ASAH1: variants seen among roughly 807,000 people sequenced by gnomAD.
ASAH1 encodes the protein N-acylsphingosine amidohydrolase 1.
ASAH1 carries 70 observed loss-of-function variants against 59.5 expected under a neutral mutation model. The observed-to-expected ratio is 1.18, with a 90% CI of 0.97 to 1.43. The LOEUF (loss-of-function observed/expected upper bound fraction) is 1.43, where lower values mean the gene tolerates loss of function less well. Ranked by LOEUF, ASAH1 falls within the 40% of genes most tolerant of loss-of-function variation. ASAH1 has a pLI of 0.00. For missense variants in ASAH1, 660 were observed against 482.5 expected (o/e 1.37, Z -3.45); for synonymous variants, 213 against 166.5 (o/e 1.28, Z -2.15).
intron 12 of ASAH1, 143 bp downstream of exon 12, chr8:18,059,198 A>G (rs766167996): frequency 2.9e-6 from 4 of 1,372,782 alleles, no homozygotes; most frequent in Non-Finnish European, 4.0e-6. Context: ...AGAAAACGAA[A>G]CAAAAAAATC....
intron 9 of ASAH1, 69 bp from the exon 10 acceptor site, chr8:18,061,527 G>A (rs1799699543): frequency 1.4e-6 from 2 of 1,459,430 alleles, no homozygotes; most frequent in Middle Eastern, 1.7e-4. Flanking sequence ...GGACCCGGAA[G>A]AGGCTGGACT....
chr8:18,079,548 G>C (rs777768931), intron 1 of ASAH1, among the ~76,000 whole-genome samples: 24 of 152,208 alleles, frequency 1.6e-4, no homozygotes, highest in South Asian at 2.1e-4. Flanking sequence ...GAGCCCGAAA[G>C]AATTAGGAGA....
chr8:18,062,244 C>T, intron 8 of ASAH1, 35 bp downstream of exon 8: 1 of 1,613,702 alleles, frequency 6.2e-7, no homozygotes, highest in Non-Finnish European at 8.5e-7. Flanking sequence ...GGACAGAAGG[C>T]TACCTGTATA....
intron 8 of ASAH1, chr8:18,061,996 G>T: frequency 1.6e-6 from 1 of 619,104 alleles, no homozygotes; most frequent in Non-Finnish European, 2.8e-6. Context: ...CGCCTGACTT[G>T]CCTAAGTGAG....
At chr8:18,067,138 G>GCTGTATATCTAAGACATAAAGCACCTGTT in intron 5 of ASAH1, 82 bp downstream of exon 5, 1 of 1,112,914 alleles carries the variant, frequency 9.0e-7, no homozygotes, top group Non-Finnish European at 1.3e-6. Context: ...CAGCACCTGT[G>GCTGTATATCTAAGACATAAAGCACCTGTT]CTGTATGTAT....
At chr8:18,079,907 G>A (rs1193382013) in intron 1 of ASAH1, among the ~76,000 whole-genome samples, 1 of 152,162 alleles carries the variant, frequency 6.6e-6, no homozygotes, top group Admixed American at 6.5e-5. Context: ...GGGCTTTGAT[G>A]GGATGGCATC....
At chr8:18,072,937 T>C (rs1310998289) in intron 2 of ASAH1, among the ~76,000 whole-genome samples, 1 of 152,094 alleles carries the variant, frequency 6.6e-6, no homozygotes, top group Non-Finnish European at 1.5e-5. Context: ...CCGCCATAAA[T>C]TCCTGATTCT....
At chr8:18,074,805 T>C (rs1588998037) in intron 2 of ASAH1, among the ~76,000 whole-genome samples, 1 of 152,196 alleles carries the variant, frequency 6.6e-6, no homozygotes, top group East Asian at 1.9e-4. Flanking sequence ...TCGACAGCTT[T>C]GTTGTGCCAA....
Position 18,062,600 on chromosome 8 carries a change from T to A in ASAH1, c.504-177A>T, listed in dbSNP as rs779745050. Reference sequence around the variant, plus strand: ...TGTTTTCCAAATGATAAAATTGAGGTTCAGAGAAGTCAGGTAACTCTCTCA... The same window carrying A: ...TGTTTTCCAAATGATAAAATTGAGGATCAGAGAAGTCAGGTAACTCTCTCA... On this transcript the variant is annotated intron_variant, in intron 7 of 13. Transcript: ENST00000637790. 7 of 701,312 alleles carry A rather than the reference T, an allele frequency of 1.0e-5. No homozygotes were observed. The East Asian group carries it at 2.0e-4, about 20-fold the overall frequency. The allele number at this position is 701,312 out of a possible 1,614,324, so 43.4% of individuals were successfully genotyped here. A position where few individuals can be genotyped will look rare whatever the true frequency, so the allele number is the denominator to read the frequency against.
chr8:18,064,557 A>AAT (rs1233751290), intron 5 of ASAH1, 26 bp from the exon 6 acceptor site: 38 of 1,299,722 alleles, frequency 2.9e-5, no homozygotes, highest in Non-Finnish European at 3.9e-5. Flanking sequence ...ATTTTGTGTT[A>AAT]ATATACAGAA....
At chr8:18,068,062 AC>A (rs1413709471) in intron 4 of ASAH1, 1 of 152,182 alleles carries the variant, frequency 6.6e-6, no homozygotes, top group Non-Finnish European at 1.5e-5. Context: ...CATTTAACAA[AC>A]AAATGTGACG....
intron 2 of ASAH1, among the ~76,000 whole-genome samples, chr8:18,074,570 A>T (rs369849727): frequency 6.6e-6 from 1 of 152,178 alleles, no homozygotes; most frequent in Admixed American, 6.5e-5. Context: ...CTTTCAGCGA[A>T]AGGGCAGTGT....
chr8:18,084,946 G>A (rs73583812), upstream of ASAH1: 152 of 1,210,474 alleles, frequency 1.3e-4, no homozygotes, highest in African/African-American at 2.0e-3. Context: ...GCGGGTAGGT[G>A]ACCGGGTTGG....
chr8:18,081,221 C>T (rs1017075966), intron 1 of ASAH1, among the ~76,000 whole-genome samples: 2 of 152,172 alleles, frequency 1.3e-5, no homozygotes, highest in Non-Finnish European at 2.9e-5. Context: ...ACACCTCACT[C>T]CCTCATCCTC....
intron 6 of ASAH1, 147 bp from the exon 7 acceptor site, chr8:18,063,377 C>T: frequency 1.4e-6 from 1 of 736,270 alleles, no homozygotes; most frequent in Non-Finnish European, 2.4e-6. Flanking sequence ...GATCTCAGCT[C>T]ACTGCGACCT....
chr8:18,072,151 C>T (rs1356145020), intron 2 of ASAH1, among the ~76,000 whole-genome samples: 3 of 152,202 alleles, frequency 2.0e-5, no homozygotes, highest in African/African-American at 7.2e-5. Flanking sequence ...TTTTCTGGCC[C>T]TGGTTACTAA....
intron 5 of ASAH1, 197 bp from the exon 6 acceptor site, chr8:18,064,728 G>C (rs1266869322): frequency 1.8e-6 from 1 of 554,480 alleles, no homozygotes; most frequent in Non-Finnish European, 3.2e-6. Context: ...AAGTCACCAA[G>C]GAGGCAGCCT....
intron 7 of ASAH1, 39 bp downstream of exon 7, chr8:18,063,146 G>A: frequency 1.9e-6 from 3 of 1,603,380 alleles, no homozygotes; most frequent in Non-Finnish European, 2.6e-6. Context: ...GGGATTACAG[G>A]CGTGAACCAC....
intron 2 of ASAH1, chr8:18,073,377 A>T: frequency 8.8e-7 from 1 of 1,134,046 alleles, no homozygotes; most frequent in Non-Finnish European, 1.3e-6. Context: ...GCAAACAAGA[A>T]ATATCATTTC....
Sources: gnomAD v4.1 joint callset for allele counts (sites outside exome capture counted in the v4.1 genomes callset) on GRCh38, gnomAD v4.1.1 for gene constraint, MANE v1.5 for transcripts, NCBI Gene and HGNC (gene_info 2026-07-23, HGNC 2026-07-21) for gene names.